The following RCOR1 variants were observed in gnomAD, a reference collection of about 807,000 sequenced individuals.
RCOR1 encodes REST corepressor.
In RCOR1, 12 loss-of-function variants were observed where a neutral mutation model predicts 64.0. That is an observed-to-expected ratio of 0.19 (90% CI 0.12 to 0.30). The LOEUF (loss-of-function observed/expected upper bound fraction) is 0.30. RCOR1 is among the 10% of genes least tolerant of loss of function. The probability of loss-of-function intolerance (pLI) is 1.00; values close to 1 mark genes in which losing one functional copy is unlikely to be tolerated. For missense variants in RCOR1, 502 were observed against 621.2 expected, an observed-to-expected ratio of 0.81 and a Z score of 2.04; for synonymous variants, 279 against 227.2, an observed-to-expected ratio of 1.23 and a Z score of -2.05.
chr14:102,708,450 AT>A lies in RCOR1; in HGVS notation c.661-9del. The A allele has an allele frequency of 7.4e-7, 1 of 1,350,088 alleles. No individual in the cohort carries two copies. Among genetic ancestry groups the A allele is most frequent in the Non-Finnish European group, 1.1e-6 (1 of 941,520 alleles). The allele number at this position is 1,350,088 out of a possible 1,614,324, so 83.6% of individuals were successfully genotyped here. On this transcript the variant is annotated splice_polypyrimidine_tract_variant and intron_variant, in intron 5 of 11. Transcript: ENST00000262241. The stretch of plus-strand genomic sequence containing the variant: ...CTTTTTTATTTAAATAAACCAACTC[AT>A]TTTTTATGTTTAGCTTCCAGATAAA...
At chr14:102,669,087 ATC>A (rs1234184708) in intron 2 of RCOR1, among the ~76,000 whole-genome samples, 1 of 152,210 alleles carries the variant, frequency 6.6e-6, no homozygotes, top group Non-Finnish European at 1.5e-5. Context: ...AAGCGGGCAG[ATC>A]ACCTGAAGTC....
intron 2 of RCOR1, among the ~76,000 whole-genome samples, chr14:102,603,889 T>C (rs917263900): frequency 3.9e-5 from 6 of 152,190 alleles, no homozygotes; most frequent in African/African-American, 1.4e-4. Context: ...GTTTTTTGTA[T>C]GGATTTGTGT....
At chr14:102,683,646 C>T (rs1051429242) in intron 3 of RCOR1, among the ~76,000 whole-genome samples, 10 of 152,242 alleles carry the variant, frequency 6.6e-5, no homozygotes, top group Non-Finnish European at 2.9e-5. Context: ...GGGCCAAGCT[C>T]TCCTCTGGGG....
At chr14:102,686,961 A>G (rs1895434403) in intron 3 of RCOR1, among the ~76,000 whole-genome samples, 1 of 152,208 alleles carries the variant, frequency 6.6e-6, no homozygotes, top group South Asian at 2.1e-4. Flanking sequence ...AAACTCATAC[A>G]TACTTTGTGC....
intron 2 of RCOR1, among the ~76,000 whole-genome samples, chr14:102,596,432 T>G (rs1893249793): frequency 6.6e-6 from 1 of 152,206 alleles, no homozygotes; most frequent in Non-Finnish European, 1.5e-5. Flanking sequence ...GCAAAATTCT[T>G]TCTTAGCTGT....
In RCOR1 at chr14:102,720,989, T is replaced by G. The variant is rs763274265; in HGVS notation, c.1054-18T>G. On this transcript the variant is annotated intron_variant, in intron 8 of 11. Coordinates refer to ENST00000262241, the MANE Select transcript of RCOR1 (RefSeq NM_015156.4). ...ATAGTTTTTATTTTTAAAATGAAAA[T>G]TATTTTTTCCTTCCTAGATCCAGAA... The G allele has an allele frequency of 1.1e-5, 15 of 1,360,912 alleles. 1 individual carries two copies. In the Middle Eastern group the frequency reaches 6.7e-4, roughly 61 times the overall value. 84.3% of individuals were successfully genotyped at this position (1,360,912 alleles called of 1,614,324 possible). A position where few individuals can be genotyped will look rare whatever the true frequency, so the allele number is the denominator to read the frequency against.
Position 102,592,890 on chromosome 14 carries a change from C to A in RCOR1, c.4C>A (p.Pro2Thr). The A allele has an allele frequency of 8.2e-7, 1 of 1,226,870 alleles. No individual in the cohort carries two copies. Among genetic ancestry groups the A allele is most frequent in the South Asian group, 2.6e-5 (1 of 38,938 alleles). 76.0% of individuals were successfully genotyped at this position (1,226,870 alleles called of 1,614,324 possible). Residue 2 changes from proline to threonine, a missense_variant, in exon 1 of 12, where the codon CCG (proline) becomes ACG (threonine). By Grantham distance (38) the Pro-to-Thr change is conservative. Transcript: ENST00000262241. M[P>T]AMVEKGPEVS... ...CGCACGGCCCCGGCCCCCGCCGATG[C>A]CGGCCATGGTGGAGAAGGGCCCCGA...
intron 3 of RCOR1, among the ~76,000 whole-genome samples, chr14:102,688,868 G>A (rs544432580): frequency 6.6e-6 from 1 of 152,102 alleles, no homozygotes; most frequent in Non-Finnish European, 1.5e-5. Flanking sequence ...CCCTACCTCT[G>A]CACATCCTGT....
At chr14:102,716,470 A>T (rs939211559) in intron 8 of RCOR1, among the ~76,000 whole-genome samples, 3 of 152,162 alleles carry the variant, frequency 2.0e-5, no homozygotes, top group African/African-American at 7.2e-5. Flanking sequence ...CTCTCATGTT[A>T]GTCTTAGAAG....
chr14:102,693,940 C>T (rs895436851), intron 3 of RCOR1, among the ~76,000 whole-genome samples: 3 of 152,080 alleles, frequency 2.0e-5, no homozygotes, highest in African/African-American at 7.2e-5. Flanking sequence ...ATCCTCCCGT[C>T]TTGGCTTATC....
chr14:102,620,522 G>A (rs1213678944), intron 2 of RCOR1, among the ~76,000 whole-genome samples: 3 of 152,090 alleles, frequency 2.0e-5, no homozygotes, highest in Non-Finnish European at 4.4e-5. Context: ...AGCCGAGATC[G>A]TGCCGTTGTA....
At position 102,700,227 on chromosome 14, in the gene RCOR1, C is replaced by CTTTTTCTTTTTTTGAGACAGAG. The variant is rs373525591; in HGVS notation, c.446-1049_446-1028dup. On this transcript the variant is annotated intron_variant, in intron 3 of 11. Transcript: ENST00000262241. Reference sequence around the variant, plus strand: ...ACTAAAGATTTTGTCTTCCTTTTCCCTTTTTCTTTTTTTGAGACAGAGTCT... The same window carrying CTTTTTCTTTTTTTGAGACAGAG: ...ACTAAAGATTTTGTCTTCCTTTTCCCTTTTTCTTTTTTTGAGACAGAGTTTTTCTTTTTTTGAGACAGAGTCT... Among the ~76,000 whole-genome samples, 1,009 of 152,052 alleles carry CTTTTTCTTTTTTTGAGACAGAG rather than the reference C, an allele frequency of 6.6e-3. 13 individuals are homozygous for CTTTTTCTTTTTTTGAGACAGAG. The highest frequency in any genetic ancestry group is 0.024 in the African/African-American group (975 of 41,448).
chr14:102,659,935 T>C (rs1595217166), intron 2 of RCOR1, among the ~76,000 whole-genome samples: 2 of 152,170 alleles, frequency 1.3e-5, no homozygotes, highest in East Asian at 1.9e-4. Flanking sequence ...TTTCTGTTCT[T>C]TTTACTCCAG....
At chr14:102,676,909 C>T (rs1439702430) in intron 2 of RCOR1, among the ~76,000 whole-genome samples, 9 of 94,540 alleles carry the variant, frequency 9.5e-5, no homozygotes, top group East Asian at 3.7e-4. Flanking sequence ...GGGGGGCTGA[C>T]CCCCCCACCT....
chr14:102,725,790 C>G (rs1433386192), intron 11 of RCOR1, among the ~76,000 whole-genome samples: 1 of 151,926 alleles, frequency 6.6e-6, no homozygotes, highest in Non-Finnish European at 1.5e-5. Flanking sequence ...AGGCTGGTCT[C>G]GAATTCCTGA....
At chr14:102,643,869 C>T (rs1340839127) in intron 2 of RCOR1, among the ~76,000 whole-genome samples, 1 of 152,186 alleles carries the variant, frequency 6.6e-6, no homozygotes, top group African/African-American at 2.4e-5. Flanking sequence ...CTTATACTCT[C>T]CAGCAAATTA....
intron 2 of RCOR1, among the ~76,000 whole-genome samples, chr14:102,596,683 G>A (rs1237384958): frequency 1.3e-5 from 2 of 151,418 alleles, no homozygotes; most frequent in East Asian, 3.9e-4. Context: ...TCCTGCCTCA[G>A]CCTCCAGAGT....
intron 8 of RCOR1, 149 bp downstream of exon 8, chr14:102,714,766 A>G (rs1896034183): frequency 8.5e-6 from 5 of 587,156 alleles, no homozygotes; most frequent in Non-Finnish European, 1.5e-5. Flanking sequence ...GTACCAGCCC[A>G]TTGTTTTTCT....
At chr14:102,640,124 C>A (rs1381826991) in intron 2 of RCOR1, among the ~76,000 whole-genome samples, 2 of 152,152 alleles carry the variant, frequency 1.3e-5, no homozygotes, top group Non-Finnish European at 2.9e-5. Context: ...GGATGACAGG[C>A]GTGAGCCGCC....
Sources: allele counts gnomAD v4.1 joint callset (sites outside exome capture counted in the v4.1 genomes callset), GRCh38; gene constraint gnomAD v4.1.1; transcripts MANE v1.5; gene names NCBI Gene and HGNC (gene_info 2026-07-23, HGNC 2026-07-21).